The following DENND5B variants were observed in gnomAD, a reference collection of about 807,000 sequenced individuals.
DENND5B encodes DENN domain containing 5B, also known as DENN domain-containing protein 5B.
A neutral mutation model predicts 140.6 loss-of-function variants in DENND5B; 34 were observed. That is an observed-to-expected ratio of 0.24 (90% CI 0.18 to 0.32). DENND5B has a LOEUF of 0.32. Among genes scored for constraint, DENND5B ranks in the 10% least tolerant of loss-of-function variants. The pLI, the probability that DENND5B is intolerant of heterozygous loss-of-function variation, is 1.00. For missense variants in DENND5B, 1,142 were observed against 1,560.2 expected (o/e 0.73, Z 4.52); for synonymous variants, 551 against 562.1 (o/e 0.98, Z 0.28).
At chr12:31,397,174 CT>C (rs1941519468) in intron 17 of DENND5B, among the ~76,000 whole-genome samples, 1 of 151,956 alleles carries the variant, frequency 6.6e-6, no homozygotes, top group Non-Finnish European at 1.5e-5. Flanking sequence ...AAATTCACTC[CT>C]TTATAGTATT....
intron 15 of DENND5B, 48 bp from the exon 16 acceptor site, chr12:31,399,820 T>C (rs1941701928): frequency 7.0e-7 from 1 of 1,436,456 alleles, no homozygotes; most frequent in Admixed American, 1.8e-5. Context: ...CCCATCCTGT[T>C]ACATCTCAGC....
intron 1 of DENND5B, among the ~76,000 whole-genome samples, chr12:31,576,058 T>C (rs1432438513): frequency 6.6e-6 from 1 of 151,368 alleles, no homozygotes; most frequent in African/African-American, 2.4e-5. Flanking sequence ...GAAGGACTGC[T>C]TGAGCCAGGG....
intron 8 of DENND5B, among the ~76,000 whole-genome samples, chr12:31,430,654 C>T (rs1363520690): frequency 6.6e-6 from 1 of 151,926 alleles, no homozygotes; most frequent in Non-Finnish European, 1.5e-5. Flanking sequence ...AGGGAGACTC[C>T]GTCTCAAAAA....
At chr12:31,448,526 CACAT>C (rs1565588291) in intron 5 of DENND5B, among the ~76,000 whole-genome samples, 1 of 152,204 alleles carries the variant, frequency 6.6e-6, no homozygotes. Context: ...ATACAATAAA[CACAT>C]CAGCATTAAT....
intron 1 of DENND5B, among the ~76,000 whole-genome samples, chr12:31,520,362 T>TA (rs767342816): frequency 6.6e-6 from 1 of 152,180 alleles, no homozygotes; most frequent in East Asian, 1.9e-4. Flanking sequence ...CAGGCACTTA[T>TA]AATGAATTAA....
chr12:31,454,142 CAAA>C (rs372795117), intron 4 of DENND5B, among the ~76,000 whole-genome samples: 18 of 96,316 alleles, frequency 1.9e-4, no homozygotes, highest in South Asian at 3.2e-4. Flanking sequence ...AGACTTTGGC[CAAA>C]AAAAAAAAAA....
At chr12:31,460,094 G>C (rs1944946649) in intron 4 of DENND5B, 100 bp downstream of exon 4, 5 of 1,185,388 alleles carry the variant, frequency 4.2e-6, no homozygotes, top group Non-Finnish European at 5.9e-6. Context: ...GAGAGTCAAA[G>C]AGACAGATAA....
At chr12:31,423,758 T>C (rs1362907375) in intron 10 of DENND5B, 83 bp from the exon 11 acceptor site, 1 of 1,406,688 alleles carries the variant, frequency 7.1e-7, no homozygotes, top group Non-Finnish European at 1.0e-6. Flanking sequence ...CATATTCCAA[T>C]AGCCATTTAG....
Position 31,461,090 on chromosome 12 carries a change from CTTTTG to C in DENND5B, c.905-714_905-710del, listed in dbSNP as rs777451345. Among the ~76,000 whole-genome samples the C allele has an allele frequency of 3.8e-4, 58 of 150,694 alleles. No individual in the cohort carries two copies. The East Asian group carries it at 0.01, about 26-fold the overall frequency. On this transcript the variant is annotated intron_variant, in intron 3 of 20. Transcript: ENST00000389082. ...TACACAATTCCCATTTTTCTTTTTT[CTTTTG>C]TTTTGAGACAGTCTGGCCCCGTCGC...
intron 8 of DENND5B, among the ~76,000 whole-genome samples, chr12:31,431,120 A>G (rs1943490019): frequency 6.6e-6 from 1 of 152,254 alleles, no homozygotes; most frequent in African/African-American, 2.4e-5. Context: ...TGAGATTACT[A>G]CTGTGCTCTT....
Position 31,426,354 on chromosome 12 carries a change from G to A in DENND5B, c.2177C>T (p.Ala726Val). 1.9e-6 allele frequency: 3 copies of A among 1,612,042 alleles called. No homozygotes were observed. Among genetic ancestry groups the A allele is most frequent in the Non-Finnish European group, 2.5e-6 (3 of 1,178,946 alleles). The stretch of plus-strand genomic sequence containing the variant: ...TTTACAGTTGGTCTGTGCAATAACT[G>A]CAGGAGAGAGGTCTGACAGTTTGGG... ...RQPKLSDLSP[A>V]VIAQTNCKFV... Residue 726 changes from alanine to valine, a missense_variant, in exon 9 of 21, where the codon GCA becomes GTA. Around this residue, in one of 5 missense-constraint regions of DENND5B, gnomAD observed 708 missense variants for 905.5 expected, o/e 0.78. Transcript: ENST00000389082.
At chr12:31,589,288 C>G (rs1950516747) in intron 1 of DENND5B, among the ~76,000 whole-genome samples, 1 of 152,150 alleles carries the variant, frequency 6.6e-6, no homozygotes, top group South Asian at 2.1e-4. Context: ...TATCCTTTAA[C>G]AAAGCCATTC....
intron 8 of DENND5B, among the ~76,000 whole-genome samples, chr12:31,431,744 C>A (rs1438532259): frequency 6.6e-6 from 1 of 152,040 alleles, no homozygotes; most frequent in Non-Finnish European, 1.5e-5. Flanking sequence ...AATACATTTC[C>A]CCCTTTGAAG....
chr12:31,579,744 G>A (rs1950150465), intron 1 of DENND5B, among the ~76,000 whole-genome samples: 1 of 145,996 alleles, frequency 6.8e-6, no homozygotes, highest in Non-Finnish European at 1.5e-5. Flanking sequence ...GGGGAGGGGA[G>A]GGAAGGGAGA....
At chr12:31,569,545 A>C (rs888794842) in intron 1 of DENND5B, among the ~76,000 whole-genome samples, 1 of 152,226 alleles carries the variant, frequency 6.6e-6, no homozygotes, top group African/African-American at 2.4e-5. Flanking sequence ...GCGATGGCTC[A>C]TGCCTATAAT....
intron 3 of DENND5B, among the ~76,000 whole-genome samples, chr12:31,474,893 T>A (rs887752442): frequency 2.0e-5 from 3 of 152,354 alleles, no homozygotes; most frequent in African/African-American, 7.2e-5. Flanking sequence ...TTACTTCGCA[T>A]GACACCTTTA....
intron 1 of DENND5B, among the ~76,000 whole-genome samples, chr12:31,529,810 C>T (rs1322875573): frequency 6.6e-6 from 1 of 151,890 alleles, no homozygotes; most frequent in Non-Finnish European, 1.5e-5. Flanking sequence ...GAATCTCTTA[C>T]ATTTTTAAAA....
At chr12:31,557,814 C>CA (rs71445804) in intron 1 of DENND5B, among the ~76,000 whole-genome samples, 843 of 80,850 alleles carry the variant, frequency 0.01, 13 homozygotes, top group Middle Eastern at 0.025. Context: ...GCTGTGGTGG[C>CA]AAAAAAAAAA....
chr12:31,565,119 G>A (rs1255633118), intron 1 of DENND5B, among the ~76,000 whole-genome samples: 1 of 152,076 alleles, frequency 6.6e-6, no homozygotes, highest in African/African-American at 2.4e-5. Flanking sequence ...CATCTATTAA[G>A]GGATTAGCTG....
Sources: allele counts gnomAD v4.1 joint callset (sites outside exome capture counted in the v4.1 genomes callset), GRCh38; gene constraint gnomAD v4.1.1; regional missense constraint gnomAD v4.1.1; transcripts MANE v1.5; gene names NCBI Gene and HGNC (gene_info 2026-07-23, HGNC 2026-07-21).